Variants in FAM53B observed in about 807,000 individuals in gnomAD.
FAM53B encodes family with sequence similarity 53 member B.
Under a neutral mutation model 32.7 loss-of-function variants are expected in FAM53B, and 12 were observed. The ratio of observed to expected loss-of-function variants is 0.37; its 90% confidence interval spans 0.24 to 0.59. FAM53B has a LOEUF of 0.59. Among genes scored for constraint, FAM53B ranks in the 20% least tolerant of loss-of-function variants. FAM53B has a pLI of 0.72. For synonymous variants in FAM53B, 234 were observed against 228.7 expected, an observed-to-expected ratio of 1.02 and a Z score of -0.21; for missense variants, 477 against 577.7, an observed-to-expected ratio of 0.83 and a Z score of 1.79.
intron 3 of FAM53B, among the ~76,000 whole-genome samples, chr10:124,684,018 C>T (rs1033194247): frequency 1.3e-5 from 2 of 152,258 alleles, no homozygotes; most frequent in Admixed American, 6.5e-5. Flanking sequence ...GTTCTCCTTC[C>T]TCTTGGGCAT....
At chr10:124,664,568 C>T (rs903503700) in intron 4 of FAM53B, among the ~76,000 whole-genome samples, 1 of 152,178 alleles carries the variant, frequency 6.6e-6, no homozygotes, top group African/African-American at 2.4e-5. Flanking sequence ...TAGAACTCTG[C>T]GCAGATGGCA....
At chr10:124,710,201 A>G (rs557178741) in intron 1 of FAM53B, among the ~76,000 whole-genome samples, 27 of 152,348 alleles carry the variant, frequency 1.8e-4, no homozygotes, top group Non-Finnish European at 3.5e-4. Flanking sequence ...GCCATACTCA[A>G]TGGAGACCTT....
chr10:124,631,574 G>C (rs1194213750), intron 4 of FAM53B, among the ~76,000 whole-genome samples: 1 of 152,194 alleles, frequency 6.6e-6, no homozygotes, highest in East Asian at 1.9e-4. Context: ...GTTCACCAGA[G>C]TGGTGCTCAT....
At chr10:124,687,739 CAG>C (rs1949811282) in intron 3 of FAM53B, among the ~76,000 whole-genome samples, 2 of 152,184 alleles carry the variant, frequency 1.3e-5, no homozygotes, top group African/African-American at 4.8e-5. Context: ...CTTGGTAAAT[CAG>C]AGTCTCTCTG....
chr10:124,691,884 G>C (rs895928129), intron 3 of FAM53B, among the ~76,000 whole-genome samples: 2 of 152,172 alleles, frequency 1.3e-5, no homozygotes, highest in East Asian at 3.8e-4. Context: ...CACAGCCCAG[G>C]CCCCTCTTTG....
rs920792596 is a variant in FAM53B at position 124,682,156 on chromosome 10, G to A, written c.357C>T (p.Phe119=). The change falls in exon 4 of 5, where the codon TTC becomes TTT. Residue 119 remains phenylalanine (F), a synonymous_variant. Transcript: ENST00000337318. The surrounding 1 kb of genome is among the most constrained non-coding windows in gnomAD (Gnocchi z 5.2). ...TCCGGCAACTGGACATCTCATCGGAGAAGGACAGTGAGCGGCACTGGCGCT... is the reference window on the plus strand; with the variant it reads ...TCCGGCAACTGGACATCTCATCGGAAAAGGACAGTGAGCGGCACTGGCGCT... ...PSKRQCRSLS[F]SDEMSSCRTS... is the part of the protein sequence containing the mutation. 2.0e-5 allele frequency: 33 copies of A among 1,613,478 alleles called. No homozygotes were observed. The highest frequency in any genetic ancestry group is 2.6e-5 in the Non-Finnish European group (31 of 1,179,852).
chr10:124,728,696 A>T (rs1249331649), intron 1 of FAM53B, among the ~76,000 whole-genome samples: 2 of 152,224 alleles, frequency 1.3e-5, no homozygotes, highest in African/African-American at 4.8e-5. Context: ...ATAGCCCAGG[A>T]CAAACGAAGA....
chr10:124,625,802 G>A (rs940046904), intron 4 of FAM53B, among the ~76,000 whole-genome samples: 1 of 152,234 alleles, frequency 6.6e-6, no homozygotes, highest in Non-Finnish European at 1.5e-5. Context: ...GGTGGCCTCA[G>A]CCGTGTGTCC....
intron 1 of FAM53B, among the ~76,000 whole-genome samples, chr10:124,725,196 C>A (rs1321605515): frequency 3.9e-5 from 6 of 152,206 alleles, no homozygotes; most frequent in African/African-American, 1.4e-4. Context: ...CTCTGGACAA[C>A]TAAAACCCCC....
chr10:124,638,178 G>A (rs1949446408), intron 4 of FAM53B, among the ~76,000 whole-genome samples: 1 of 152,164 alleles, frequency 6.6e-6, no homozygotes, highest in African/African-American at 2.4e-5. Context: ...GACCATCCTG[G>A]CTAACACAGT....
At chr10:124,736,731 C>T (rs556276197) in intron 1 of FAM53B, among the ~76,000 whole-genome samples, 2 of 152,362 alleles carry the variant, frequency 1.3e-5, no homozygotes, top group East Asian at 3.9e-4. Flanking sequence ...CTGCATAAGC[C>T]GCCTCTCCTG....
At chr10:124,692,095 T>C (rs142686330) in intron 3 of FAM53B, among the ~76,000 whole-genome samples, 105 of 152,324 alleles carry the variant, frequency 6.9e-4, no homozygotes, top group African/African-American at 2.4e-3. Context: ...GGACTGGGGA[T>C]GCTCTGGAAG....
intron 4 of FAM53B, among the ~76,000 whole-genome samples, chr10:124,663,220 G>A (rs959390255): frequency 6.6e-6 from 1 of 152,216 alleles, no homozygotes; most frequent in African/African-American, 2.4e-5. Flanking sequence ...GCCTGTGCAT[G>A]ACCAAAGCCA....
At chr10:124,742,022 G>A (rs548995034) in intron 1 of FAM53B, among the ~76,000 whole-genome samples, 4 of 152,316 alleles carry the variant, frequency 2.6e-5, no homozygotes, top group African/African-American at 4.8e-5. Context: ...CTTCTCAGAA[G>A]AAAATAGGAA....
intron 1 of FAM53B, among the ~76,000 whole-genome samples, chr10:124,711,751 C>A (rs1950005308): frequency 6.6e-6 from 1 of 152,162 alleles, no homozygotes; most frequent in South Asian, 2.1e-4. Context: ...TCAGTTTCCT[C>A]ATCTTTAAAA....
In FAM53B at chr10:124,682,458, C is replaced by G. The variant is rs1949779767; in HGVS notation, c.134-79G>C. On this transcript the variant is annotated intron_variant, in intron 3 of 4. Coordinates refer to ENST00000337318, the MANE Select transcript of FAM53B (RefSeq NM_014661.4). This position sits in a 1 kb window ranked among gnomAD's most constrained non-coding sequence, Gnocchi z 5.2. ...CCCTTTATTATCTCCACACCAACAGCCCGTTTCAAACACAGTATCTTAGAG... is the reference window on the plus strand; with the variant it reads ...CCCTTTATTATCTCCACACCAACAGGCCGTTTCAAACACAGTATCTTAGAG... The G allele has an allele frequency of 7.7e-7, 1 of 1,297,328 alleles. No individual in the cohort carries two copies. The highest frequency in any genetic ancestry group is 1.5e-5 in the African/African-American group (1 of 68,046). The allele number at this position is 1,297,328 out of a possible 1,614,324, so 80.4% of individuals were successfully genotyped here. A position where few individuals can be genotyped will look rare whatever the true frequency, so the allele number is the denominator to read the frequency against.
At chr10:124,662,492 ATCCATCCATCCATCCATCC>A in intron 4 of FAM53B, among the ~76,000 whole-genome samples, 1 of 122,922 alleles carries the variant, frequency 8.1e-6, no homozygotes, top group Non-Finnish European at 1.7e-5. Context: ...CCATCCATCC[ATCCATCCATCCATCCATCC>A]ATGTATTCAA....
intron 2 of FAM53B, among the ~76,000 whole-genome samples, chr10:124,704,867 C>T (rs1246299573): frequency 2.0e-5 from 3 of 152,182 alleles, no homozygotes; most frequent in Non-Finnish European, 2.9e-5. Context: ...CCACAAGAAT[C>T]CTTGCGAGAG....
intron 4 of FAM53B, among the ~76,000 whole-genome samples, chr10:124,643,110 A>C (rs1949487692): frequency 6.6e-6 from 1 of 152,226 alleles, no homozygotes; most frequent in African/African-American, 2.4e-5. Context: ...ACAAACAAAA[A>C]TGTCTCTTCC....
Sources: allele counts gnomAD v4.1 joint callset (sites outside exome capture counted in the v4.1 genomes callset), GRCh38; gene constraint gnomAD v4.1.1; non-coding constraint Gnocchi (gnomAD v3.1); transcripts MANE v1.5; gene names NCBI Gene and HGNC (gene_info 2026-07-23, HGNC 2026-07-21).